Variants in SGSM2 observed in about 807,000 individuals in gnomAD.
The protein encoded by SGSM2 is RUN and TBC1 domain containing 1.
A neutral mutation model predicts 126.6 loss-of-function variants in SGSM2; 89 were observed. The observed-to-expected ratio is 0.70, with a 90% CI of 0.59 to 0.84. SGSM2 has a LOEUF of 0.84. Ranked by LOEUF, SGSM2 falls within the 40% of genes least tolerant of loss-of-function variation. SGSM2 has a pLI of 0.00. For synonymous variants in SGSM2, 614 were observed against 574.3 expected, an observed-to-expected ratio of 1.07 and a Z score of -0.99; for missense variants, 1,404 against 1,416.6, an observed-to-expected ratio of 0.99 and a Z score of 0.14.
At chr17:2,353,427 C>T (rs890928944) in intron 2 of SGSM2, among the ~76,000 whole-genome samples, 5 of 152,056 alleles carry the variant, frequency 3.3e-5, no homozygotes, top group African/African-American at 1.2e-4. Flanking sequence ...ATTTTGCATT[C>T]ATAATATATT....
chr17:2,374,782 G>A (rs369843618), intron 17 of SGSM2, among the ~76,000 whole-genome samples: 36 of 152,342 alleles, frequency 2.4e-4, no homozygotes, highest in African/African-American at 7.5e-4. Flanking sequence ...CCACAGAACC[G>A]TGGCCTTACC....
At chr17:2,354,238 CG>C (rs2064996915) in intron 2 of SGSM2, among the ~76,000 whole-genome samples, 1 of 151,784 alleles carries the variant, frequency 6.6e-6, no homozygotes, top group African/African-American at 2.4e-5. Flanking sequence ...TTAGTAGAGA[CG>C]GGGTTTCACT....
At position 2,372,065 on chromosome 17, in the gene SGSM2, GCTC is replaced by G. The variant is rs1307248012; in HGVS notation, c.1578-115_1578-113del. 1.3e-5 allele frequency: 15 copies of G among 1,125,280 alleles called. No homozygotes were observed. Among genetic ancestry groups the G allele is most frequent in the South Asian group, 2.7e-5 (2 of 75,262 alleles). 69.7% of individuals were successfully genotyped at this position (1,125,280 alleles called of 1,614,324 possible). A position where few individuals can be genotyped will look rare whatever the true frequency, so the allele number is the denominator to read the frequency against. The stretch of plus-strand genomic sequence containing the variant: ...ACCCACTGACGGCTGCTGGGCTGCG[GCTC>G]CTCCTCCTCGCACCCTCCCCAGTGC... On this transcript the variant is annotated intron_variant, in intron 13 of 23. Transcript: ENST00000268989. The surrounding 1 kb of genome is among the most constrained non-coding windows in gnomAD (Gnocchi z 6.0).
At chr17:2,365,371 G>A (rs1197644831) in intron 11 of SGSM2, 30 bp downstream of exon 11, 1 of 1,512,738 alleles carries the variant, frequency 6.6e-7, no homozygotes, top group Non-Finnish European at 8.9e-7. Flanking sequence ...TCCCGGGGGA[G>A]GAGAGGAAGA....
At chr17:2,373,548 CG>C in intron 17 of SGSM2, 35 bp downstream of exon 17, 1 of 1,564,662 alleles carries the variant, frequency 6.4e-7, no homozygotes. Context: ...TTGGGGGTCT[CG>C]GGGGCCACCC....
At chr17:2,345,654 A>T (rs567614791) in intron 2 of SGSM2, among the ~76,000 whole-genome samples, 153 of 151,102 alleles carry the variant, frequency 1.0e-3, no homozygotes, top group Middle Eastern at 3.4e-3. Flanking sequence ...ATTCCCATTT[A>T]AAAAAAAATT....
intron 2 of SGSM2, among the ~76,000 whole-genome samples, chr17:2,349,948 C>G (rs903384211): frequency 3.9e-5 from 6 of 151,974 alleles, no homozygotes; most frequent in Admixed American, 1.3e-4. Context: ...CCACCACGCT[C>G]GGCTAATTTT....
At chr17:2,340,626 C>T (rs1213917764) in intron 1 of SGSM2, among the ~76,000 whole-genome samples, 5 of 151,610 alleles carry the variant, frequency 3.3e-5, no homozygotes, top group East Asian at 1.9e-4. Flanking sequence ...GCTCTGTTGC[C>T]CAGGCTGGAG....
In SGSM2 at chr17:2,380,453, C is replaced by T. The variant is rs2066366437; in HGVS notation, c.*933C>T. ...TATCTGTCGCAGACATCTGCCATGT[C>T]CCTGAGACTGCGGGAGGCAGGGGAT... On this transcript the variant is annotated 3_prime_UTR_variant, in exon 24 of 24. Transcript: ENST00000268989. 4.0e-6 allele frequency: 3 copies of T among 749,552 alleles called. No individual in the cohort carries two copies. The South Asian group carries it at 5.0e-5, about 12-fold the overall frequency. The allele number at this position is 749,552 out of a possible 1,614,324, so 46.4% of individuals were successfully genotyped here. A position where few individuals can be genotyped will look rare whatever the true frequency, so the allele number is the denominator to read the frequency against.
rs1406836386 is a variant in SGSM2 at position 2,365,352 on chromosome 17, C to T, written c.1288+11C>T. The T allele has an allele frequency of 1.1e-5, 17 of 1,531,882 alleles. No individual in the cohort carries two copies. Among genetic ancestry groups the T allele is most frequent in the East Asian group, 2.4e-5 (1 of 41,078 alleles). The allele number at this position is 1,531,882 out of a possible 1,614,324, so 94.9% of individuals were successfully genotyped here. ...ACAGGCACGAGCACAGTGAGTGTCCCGAGCTTCATCCCGGGGGAGGAGAGG... is the reference window on the plus strand; with the variant it reads ...ACAGGCACGAGCACAGTGAGTGTCCTGAGCTTCATCCCGGGGGAGGAGAGG... On this transcript the variant is annotated intron_variant, in intron 11 of 23. Coordinates refer to ENST00000268989, the MANE Select transcript of SGSM2 (RefSeq NM_014853.3).
chr17:2,376,066 G>C, intron 18 of SGSM2, 71 bp from the exon 19 acceptor site: 1 of 1,603,576 alleles, frequency 6.2e-7, no homozygotes. Flanking sequence ...CATTTCTTGG[G>C]GCGTCACCTC....
rs1288934261 is a variant in SGSM2 at position 2,372,865 on chromosome 17, C to G, written c.1789-88C>G. ...TTCAGCAGTCACTACAGGCCCCGCC[C>G]CAGCCCATTCTCCGTGGGATGGGGC... is the stretch of plus-strand genomic sequence containing the variant. On this transcript the variant is annotated intron_variant, in intron 15 of 23. Transcript: ENST00000268989. This position sits in a 1 kb window ranked among gnomAD's most constrained non-coding sequence, Gnocchi z 6.0. The G allele has an allele frequency of 6.7e-7, 1 of 1,501,898 alleles. No homozygotes were observed. The highest frequency in any genetic ancestry group is 2.5e-5 in the East Asian group (1 of 40,562). 93.0% of individuals were successfully genotyped at this position (1,501,898 alleles called of 1,614,324 possible).
At chr17:2,370,894 TG>T (rs1425540126) in intron 12 of SGSM2, among the ~76,000 whole-genome samples, 2 of 150,624 alleles carry the variant, frequency 1.3e-5, no homozygotes, top group African/African-American at 5.0e-5. Flanking sequence ...CTGAGCTAGC[TG>T]GTGGCTTTGA....
intron 2 of SGSM2, among the ~76,000 whole-genome samples, chr17:2,361,348 C>A (rs1009377767): frequency 2.0e-5 from 3 of 152,206 alleles, no homozygotes; most frequent in Admixed American, 6.5e-5. Context: ...ACTCATGCCA[C>A]CCTGAATGGG....
At chr17:2,368,477 T>C (rs1289637538) in intron 12 of SGSM2, among the ~76,000 whole-genome samples, 1 of 152,192 alleles carries the variant, frequency 6.6e-6, no homozygotes, top group Non-Finnish European at 1.5e-5. Context: ...GTCCTCAGAA[T>C]ATGTCACACT....
chr17:2,364,438 G>A, intron 8 of SGSM2, 158 bp from the exon 9 acceptor site: 1 of 867,952 alleles, frequency 1.2e-6, no homozygotes, highest in Non-Finnish European at 1.8e-6. Flanking sequence ...CGAGCGGGCA[G>A]CACAGATCTC....
chr17:2,363,256 G>A lies in SGSM2; in HGVS notation c.672+122G>A. ...ATGCCCCAAGGTAGCGGCTGCCTCA[G>A]AAGAGCCTTCTCCGCACAATAAAAC... On this transcript the variant is annotated intron_variant, in intron 6 of 23. Transcript: ENST00000268989. The surrounding 1 kb of genome is among the most constrained non-coding windows in gnomAD (Gnocchi z 4.2). 7.3e-7 allele frequency: 1 copy of A among 1,365,146 alleles called. No homozygotes were observed. Among genetic ancestry groups the A allele is most frequent in the Non-Finnish European group, 9.8e-7 (1 of 1,022,564 alleles). The allele number at this position is 1,365,146 out of a possible 1,614,324, so 84.6% of individuals were successfully genotyped here.
At chr17:2,378,812 C>T (rs1019925725) in intron 22 of SGSM2, among the ~76,000 whole-genome samples, 1 of 152,202 alleles carries the variant, frequency 6.6e-6, no homozygotes, top group Admixed American at 6.5e-5. Flanking sequence ...GAGCCAGGCT[C>T]TGTGTCATGG....
Position 2,367,524 on chromosome 17 carries a change from C to A in SGSM2, c.1423+119C>A. On this transcript the variant is annotated intron_variant, in intron 12 of 23. Coordinates refer to ENST00000268989, the MANE Select transcript of SGSM2 (RefSeq NM_014853.3). The surrounding 1 kb of genome is among the most constrained non-coding windows in gnomAD (Gnocchi z 4.0). Reference sequence around the variant, plus strand: ...GGCATTAGGGGACTTGCACCCAGGGCAGTTCCCTTCCATCGGGGGCAGATC... The same window carrying A: ...GGCATTAGGGGACTTGCACCCAGGGAAGTTCCCTTCCATCGGGGGCAGATC... 8.7e-7 allele frequency: 1 copy of A among 1,155,964 alleles called. No homozygotes were observed. Among genetic ancestry groups the A allele is most frequent in the Non-Finnish European group, 1.2e-6 (1 of 818,572 alleles). 71.6% of individuals were successfully genotyped at this position (1,155,964 alleles called of 1,614,324 possible).
Sources: allele counts gnomAD v4.1 joint callset (sites outside exome capture counted in the v4.1 genomes callset), GRCh38; gene constraint gnomAD v4.1.1; non-coding constraint Gnocchi (gnomAD v3.1); transcripts MANE v1.5; gene names NCBI Gene and HGNC (gene_info 2026-07-23, HGNC 2026-07-21).